AGAP1: variants seen among roughly 807,000 people sequenced by gnomAD.
AGAP1 encodes the protein ArfGAP with GTPase domain, ankyrin repeat and PH domain 1.
A neutral mutation model predicts 105.3 loss-of-function variants in AGAP1; 29 were observed. The ratio of observed to expected loss-of-function variants is 0.28; its 90% CI spans 0.21 to 0.38. The LOEUF (loss-of-function observed/expected upper bound fraction) is 0.38. AGAP1 is among the 10% of genes least tolerant of loss of function. The pLI, the probability that AGAP1 is intolerant of heterozygous loss-of-function variation, is 1.00. For missense variants in AGAP1, 998 were observed against 1,165.1 expected, an observed-to-expected ratio of 0.86 and a Z score of 2.09; for synonymous variants, 509 against 485.9, an observed-to-expected ratio of 1.05 and a Z score of -0.63.
rs575264719 is a variant in AGAP1 at position 236,032,174 on chromosome 2, A to G, written c.1646-4387A>G. Among the ~76,000 whole-genome samples, 3 of 152,332 alleles carry G rather than the reference A, an allele frequency of 2.0e-5. No homozygotes were observed. The South Asian group carries it at 6.2e-4, about 32-fold the overall frequency. ...ATCCCCCAAAACTCTTTGCTTTCACAATTTGGTAAGCAGACTTTATATGTC... is the reference window on the plus strand; with the variant it reads ...ATCCCCCAAAACTCTTTGCTTTCACGATTTGGTAAGCAGACTTTATATGTC... On this transcript the variant is annotated intron_variant, in intron 13 of 17. Transcript: ENST00000304032.
At position 235,741,784 on chromosome 2, in the gene AGAP1, C is replaced by T. The variant is rs1370671538; in HGVS notation, c.396+736C>T. Among the ~76,000 whole-genome samples the T allele has an allele frequency of 8.0e-5, 12 of 149,320 alleles. No homozygotes were observed. The South Asian group carries it at 1.7e-3, about 21-fold the overall frequency. ...TTATTTTTTTTTTTTGAGACAGTCT[C>T]GCTCTGTTACCCAGGCTGGAGTGCA... On this transcript the variant is annotated intron_variant, in intron 4 of 17. Transcript: ENST00000304032. This position sits in a 1 kb window ranked among gnomAD's most constrained non-coding sequence, Gnocchi z 4.9.
intron 1 of AGAP1, among the ~76,000 whole-genome samples, chr2:235,590,671 G>GTGTT (rs1247440790): frequency 1.0e-5 from 1 of 100,478 alleles, no homozygotes; most frequent in African/African-American, 4.4e-5. Context: ...TTTAATGTGT[G>GTGTT]TGTGTGTGTG....
intron 1 of AGAP1, chr2:235,670,808 C>T: frequency 1.2e-5 from 17 of 1,417,912 alleles, no homozygotes; most frequent in Non-Finnish European, 1.5e-5. Context: ...GAGCAAGAAC[C>T]GCACGCTGGA....
chr2:236,095,831 A>G lies in AGAP1; in HGVS notation c.2115-24361A>G, dbSNP rs1241595003. ...GAGCTGGCCAACTTCCACGATCATT[A>G]TATTTTTGAGTTTTGCATCATGGCG... On this transcript the variant is annotated intron_variant, in intron 16 of 17. Transcript: ENST00000304032. This position sits in a 1 kb window ranked among gnomAD's most constrained non-coding sequence, Gnocchi z 4.1. Among the ~76,000 whole-genome samples the G allele has an allele frequency of 6.6e-6, 1 of 152,192 alleles. No homozygotes were observed. The highest frequency in any genetic ancestry group is 1.5e-5 in the Non-Finnish European group (1 of 68,016).
At chr2:235,590,182 T>TAG (rs1204436907) in intron 1 of AGAP1, among the ~76,000 whole-genome samples, 1 of 152,096 alleles carries the variant, frequency 6.6e-6, no homozygotes, top group Non-Finnish European at 1.5e-5. Context: ...CGCCCGGCCC[T>TAG]TTCTTTTCTC....
rs999068493 is a variant in AGAP1 at position 235,543,426 on chromosome 2, C to T, written c.163+48577C>T. The stretch of plus-strand genomic sequence containing the variant: ...GGCTGATGGGCTGTGTCCCCGTGTA[C>T]GGGGAGAACTGCTGGTTTCAGTCTT... On this transcript the variant is annotated intron_variant, in intron 1 of 17. Coordinates refer to ENST00000304032, the MANE Select transcript of AGAP1 (RefSeq NM_001037131.3). 3.3e-5 allele frequency among the ~76,000 whole-genome samples: 5 copies of T among 152,148 alleles called. 1 individual carries two copies. The highest frequency in any genetic ancestry group is 1.2e-4 in the African/African-American group (5 of 41,428).
rs973588523 is a variant in AGAP1 at position 235,538,838 on chromosome 2, T to A, written c.163+43989T>A. ...TAGTGTGGGAAAGCTTACTTACTAT[T>A]ACTTTATTATGGCATTTTAAAAGTT... On this transcript the variant is annotated intron_variant, in intron 1 of 17. Coordinates refer to ENST00000304032, the MANE Select transcript of AGAP1 (RefSeq NM_001037131.3). Among the ~76,000 whole-genome samples, 11 of 152,292 alleles carry A rather than the reference T, an allele frequency of 7.2e-5. No homozygotes were observed. In the South Asian group the frequency reaches 2.3e-3, roughly 32 times the overall value.
intron 1 of AGAP1, among the ~76,000 whole-genome samples, chr2:235,588,059 G>A (rs914069191): frequency 3.7e-4 from 56 of 152,054 alleles, no homozygotes; most frequent in African/African-American, 1.3e-3. Flanking sequence ...GTGAAACCCC[G>A]TCTCTACTAA....
chr2:235,814,221 A>G (rs1958323771), intron 9 of AGAP1, among the ~76,000 whole-genome samples: 1 of 152,206 alleles, frequency 6.6e-6, no homozygotes, highest in African/African-American at 2.4e-5. Context: ...AGCTCTTGCC[A>G]GGGAGCCTGC....
Position 235,799,657 on chromosome 2 carries a change from G to A in AGAP1, c.957+135G>A. 1 of 1,041,898 alleles carries A rather than the reference G, an allele frequency of 9.6e-7. No individual in the cohort carries two copies. 64.5% of individuals were successfully genotyped at this position (1,041,898 alleles called of 1,614,324 possible). ...AAAGTGAATAACATTGATTTCTGTG[G>A]AGGACTAAGAAAATTAAGAGAAGCA... On this transcript the variant is annotated intron_variant, in intron 8 of 17. Coordinates refer to ENST00000304032, the MANE Select transcript of AGAP1 (RefSeq NM_001037131.3). The surrounding 1 kb of genome is among the most constrained non-coding windows in gnomAD (Gnocchi z 5.0).
rs1486496742 is a variant in AGAP1, at chr2:236,109,209, G to A, written c.2115-10983G>A. Among the ~76,000 whole-genome samples the A allele has an allele frequency of 6.6e-6, 1 of 152,172 alleles. No individual in the cohort carries two copies. Among genetic ancestry groups the A allele is most frequent in the African/African-American group, 2.4e-5 (1 of 41,454 alleles). Reference sequence around the variant, plus strand: ...TCATCACTGACAAGGATTTGCCAGTGCATAGATGACAGTGCCACCAGCAGT... The same window carrying A: ...TCATCACTGACAAGGATTTGCCAGTACATAGATGACAGTGCCACCAGCAGT... On this transcript the variant is annotated intron_variant, in intron 16 of 17. Coordinates refer to ENST00000304032, the MANE Select transcript of AGAP1 (RefSeq NM_001037131.3). This position sits in a 1 kb window ranked among gnomAD's most constrained non-coding sequence, Gnocchi z 5.4.
Position 235,919,654 on chromosome 2 carries a change from G to A in AGAP1, c.1324+10748G>A, listed in dbSNP as rs184149314. Among the ~76,000 whole-genome samples, 299 of 152,214 alleles carry A rather than the reference G, an allele frequency of 2.0e-3. 3 individuals are homozygous for A. Among genetic ancestry groups the A allele is most frequent in the African/African-American group, 6.5e-3 (270 of 41,542 alleles). On this transcript the variant is annotated intron_variant, in intron 11 of 17. Coordinates refer to ENST00000304032, the MANE Select transcript of AGAP1 (RefSeq NM_001037131.3). This position sits in a 1 kb window ranked among gnomAD's most constrained non-coding sequence, Gnocchi z 4.1. ...GGGACTGTAAAATTCAGAGATGACC[G>A]GGGAACGCTCCCCTCAAAACAGTGT...
chr2:235,906,257 G>C lies in AGAP1; in HGVS notation c.1156-2481G>C, dbSNP rs1575746776. ...CCAGGGTTTTCTGCCTGGATAGCCT[G>C]TCTGTCCTTTGCCGGGGAATGCCCG... On this transcript the variant is annotated intron_variant, in intron 10 of 17. Transcript: ENST00000304032. The surrounding 1 kb of genome is among the most constrained non-coding windows in gnomAD (Gnocchi z 5.3). Among the ~76,000 whole-genome samples, 1 of 152,206 alleles carries C rather than the reference G, an allele frequency of 6.6e-6. No individual in the cohort carries two copies. Among genetic ancestry groups the C allele is most frequent in the Non-Finnish European group, 1.5e-5 (1 of 68,044 alleles).
chr2:235,749,829 T>G (rs1953283539), intron 5 of AGAP1, among the ~76,000 whole-genome samples: 1 of 152,206 alleles, frequency 6.6e-6, no homozygotes, highest in Non-Finnish European at 1.5e-5. Flanking sequence ...AACTAGAATG[T>G]CTGTTTCATG....
chr2:235,780,682 T>C (rs1410833951), intron 6 of AGAP1, among the ~76,000 whole-genome samples: 2 of 152,206 alleles, frequency 1.3e-5, no homozygotes, highest in Non-Finnish European at 2.9e-5. Flanking sequence ...TTAATTGAAA[T>C]CTGAGGGATC....
rs193157595 is a variant in AGAP1, at chr2:235,748,925, A to G, written c.539-1429A>G. Among the ~76,000 whole-genome samples the G allele has an allele frequency of 8.2e-4, 125 of 152,320 alleles. 3 individuals carry two copies. The East Asian group carries it at 0.02, about 24-fold the overall frequency. On this transcript the variant is annotated intron_variant, in intron 5 of 17. Transcript: ENST00000304032. The stretch of plus-strand genomic sequence containing the variant: ...GATTCAGGTTAGGAAACTGTCTCTG[A>G]AGGCTGGGCGCAGTGGCTCACGCCT...
At position 235,867,574 on chromosome 2, in the gene AGAP1, T is replaced by TGTGTGC. The variant is rs1380487646; in HGVS notation, c.1051-15770_1051-15769insTGTGCG. On this transcript the variant is annotated intron_variant, in intron 9 of 17. Coordinates refer to ENST00000304032, the MANE Select transcript of AGAP1 (RefSeq NM_001037131.3). The surrounding 1 kb of genome is among the most constrained non-coding windows in gnomAD (Gnocchi z 5.4). Reference sequence around the variant, plus strand: ...GTGTGTGTGTGTGTGTGTGTGTGTGTGCAAGTGAGGGAGGGTGACCCCCAC... The same window carrying TGTGTGC: ...GTGTGTGTGTGTGTGTGTGTGTGTGTGTGTGCGCAAGTGAGGGAGGGTGACCCCCAC... Among the ~76,000 whole-genome samples the TGTGTGC allele has an allele frequency of 2.4e-4, 35 of 147,700 alleles. No homozygotes were observed. The highest frequency in any genetic ancestry group is 2.0e-3 in the East Asian group (10 of 4,922).
At chr2:235,497,683 G>A (rs1315310502) in intron 1 of AGAP1, among the ~76,000 whole-genome samples, 1 of 152,172 alleles carries the variant, frequency 6.6e-6, no homozygotes, top group Non-Finnish European at 1.5e-5. Context: ...TGCAGGCTCC[G>A]CCCCGGGTTC....
chr2:235,813,045 G>T (rs1958245084), intron 9 of AGAP1, among the ~76,000 whole-genome samples: 1 of 152,178 alleles, frequency 6.6e-6, no homozygotes, highest in Non-Finnish European at 1.5e-5. Flanking sequence ...AGCCAGGCAG[G>T]TGTATCAGTG....
Sources: gnomAD v4.1 joint callset for allele counts (sites outside exome capture counted in the v4.1 genomes callset) on GRCh38, gnomAD v4.1.1 for gene constraint, Gnocchi (gnomAD v3.1) non-coding constraint, MANE v1.5 for transcripts, NCBI Gene and HGNC (gene_info 2026-07-23, HGNC 2026-07-21) for gene names.